Variants in CCAR2 observed in about 807,000 individuals in gnomAD.
CCAR2 encodes cell cycle and apoptosis regulator protein 2.
In CCAR2, 21 loss-of-function variants were observed where a neutral mutation model predicts 108.1. That is an observed-to-expected ratio of 0.19 (90% confidence interval 0.14 to 0.28). CCAR2 has a LOEUF of 0.28. Among genes scored for constraint, CCAR2 ranks in the 10% least tolerant of loss-of-function variants. CCAR2 has a pLI of 1.00. For missense variants in CCAR2, 1,126 were observed against 1,177.0 expected, an observed-to-expected ratio of 0.96 and a Z score of 0.63; for synonymous variants, 577 against 472.8, an observed-to-expected ratio of 1.22 and a Z score of -2.86.
intron 3 of CCAR2, 117 bp from the exon 4 acceptor site, chr8:22,606,490 G>A (rs1442996895): frequency 2.5e-6 from 2 of 800,366 alleles, no homozygotes; most frequent in Non-Finnish European, 4.3e-6. Context: ...CACTCTGTGC[G>A]AACTCTTGAT....
At chr8:22,607,377 T>C in intron 6 of CCAR2, 52 bp downstream of exon 6, 6 of 1,593,716 alleles carry the variant, frequency 3.8e-6, no homozygotes, top group Non-Finnish European at 5.1e-6. Flanking sequence ...GTAGTTTAGA[T>C]CAATGGACTT....
intron 7 of CCAR2, among the ~76,000 whole-genome samples, chr8:22,609,827 A>G (rs757503863): frequency 6.6e-6 from 1 of 152,188 alleles, no homozygotes; most frequent in African/African-American, 2.4e-5. Flanking sequence ...GCTGAGGCCC[A>G]TGCAAGGTCT....
rs769599381 is a variant in CCAR2 at position 22,613,105 on chromosome 8, C to T, written c.673C>T (p.Arg225Trp). 25 of 1,612,198 alleles carry T rather than the reference C, an allele frequency of 1.6e-5. No homozygotes were observed. Among genetic ancestry groups the T allele is most frequent in the Non-Finnish European group, 1.9e-5 (23 of 1,179,508 alleles). ...KKPRHDLPPYRVHLTPYTVDS... is the reference protein window; with the variant it reads ...KKPRHDLPPYWVHLTPYTVDS... The stretch of plus-strand genomic sequence containing the variant: ...GCCAAGGCATGACCTGCCTCCTTAC[C>T]GGGTCCACCTCACTCCTTACACTGT... The change falls in exon 8 of 21, where the codon CGG (arginine) becomes TGG (tryptophan). Residue 225 changes from arginine (R) to tryptophan (W), a missense_variant. By Grantham distance (101) the Arg-to-Trp change is moderately radical. Coordinates refer to ENST00000308511, the MANE Select transcript of CCAR2 (RefSeq NM_001393997.1).
chr8:22,617,710 G>A lies in CCAR2; in HGVS notation c.2005G>A (p.Glu669Lys). The change falls in exon 16 of 21, where the codon GAG becomes AAG. Residue 669 changes from glutamate to lysine, a missense_variant. Physicochemically the swap from Glu to Lys is moderately conservative, Grantham distance 56. Coordinates refer to ENST00000308511, the MANE Select transcript of CCAR2 (RefSeq NM_001393997.1). ...CCTTTCTGTAGCAGGAGCAAAGCTG[G>A]AGGATTCGGAGGTCCGGTCCGTTGC... ...GEEEFAGAKL[E>K]DSEVRSVASN... 1 of 1,614,208 alleles carries A rather than the reference G, an allele frequency of 6.2e-7. No homozygotes were observed. Among genetic ancestry groups the A allele is most frequent in the Non-Finnish European group, 8.5e-7 (1 of 1,180,038 alleles).
At chr8:22,615,396 A>T in intron 11 of CCAR2, 29 bp from the exon 12 acceptor site, 1 of 1,603,646 alleles carries the variant, frequency 6.2e-7, no homozygotes, top group Non-Finnish European at 8.5e-7. Context: ...GTCACTAAAG[A>T]AGTTAGTACC....
rs1801737964 is a variant in CCAR2, at chr8:22,620,433, T to TTTTTTGGC, written c.*753_*754insTTTGGCTT. The TTTTTTGGC allele has an allele frequency of 6.8e-6, 1 of 146,258 alleles. No homozygotes were observed. The highest frequency in any genetic ancestry group is 1.5e-5 in the Non-Finnish European group (1 of 67,020). The allele number at this position is 146,258 out of a possible 1,614,324, so 9.1% of individuals were successfully genotyped here. A position where few individuals can be genotyped will look rare whatever the true frequency, so the allele number is the denominator to read the frequency against. ...AAAGTTGGGGTTTTTTTTTTTTTTTTTTGGCTTGTTTTTTAAATAAACCAA... is the reference window on the plus strand; with the variant it reads ...AAAGTTGGGGTTTTTTTTTTTTTTTTTTTTTGGCTTGGCTTGTTTTTTAAATAAACCAA... On this transcript the variant is annotated 3_prime_UTR_variant, in exon 21 of 21. Transcript: ENST00000308511.
intron 10 of CCAR2, 65 bp from the exon 11 acceptor site, chr8:22,614,773 T>TCATCCTGATGGGTG: frequency 1.2e-6 from 2 of 1,602,468 alleles, no homozygotes; most frequent in Non-Finnish European, 1.7e-6. Context: ...GTGGCAGCCT[T>TCATCCTGATGGGTG]GCCCTGCAGT....
intron 14 of CCAR2, 174 bp from the exon 15 acceptor site, chr8:22,617,246 T>TGGC: frequency 1.4e-6 from 1 of 702,452 alleles, no homozygotes; most frequent in South Asian, 4.2e-5. Flanking sequence ...GGCGATGCCC[T>TGGC]GGCATGCTCT....
chr8:22,615,089 T>C, intron 11 of CCAR2, 88 bp downstream of exon 11: 1 of 1,421,718 alleles, frequency 7.0e-7, no homozygotes, highest in Non-Finnish European at 9.3e-7. Context: ...CCCTTTCTGC[T>C]GGTTAGCTCT....
At chr8:22,614,685 GTGGC>G in intron 10 of CCAR2, 149 bp from the exon 11 acceptor site, 1 of 1,091,966 alleles carries the variant, frequency 9.2e-7, no homozygotes, top group Non-Finnish European at 1.4e-6. Flanking sequence ...AGAGAGCGAG[GTGGC>G]TGGTTCATGT....
At chr8:22,606,562 C>A in intron 3 of CCAR2, 45 bp from the exon 4 acceptor site, 1 of 1,497,408 alleles carries the variant, frequency 6.7e-7, no homozygotes, top group Non-Finnish European at 9.3e-7. Context: ...GTGATTTTGT[C>A]CAGTTTCCTC....
chr8:22,620,486 T>TC (rs1801744457), downstream of CCAR2: 1 of 147,698 alleles, frequency 6.8e-6, no homozygotes, highest in Admixed American at 6.8e-5. Flanking sequence ...GAGTGTGTCC[T>TC]CCACAGCTCT....
Position 22,614,158 on chromosome 8 carries a change from G to A in CCAR2, c.771G>A (p.Leu257=), listed in dbSNP as rs199873807. ...GCCTCCTGGTCCCCTCAGATTTTCT[G>A]TCCGTGCATCTGAGTTGGCTATCAG... ...YRSLLVPSDF[L]SVHLSWLSAF... is the part of the protein sequence containing the mutation. The change falls in exon 9 of 21, where the codon CTG becomes CTA. Residue 257 remains leucine (L), a synonymous_variant. Transcript: ENST00000308511. 6.2e-7 allele frequency: 1 copy of A among 1,614,042 alleles called. No individual in the cohort carries two copies. The highest frequency in any genetic ancestry group is 1.1e-5 in the South Asian group (1 of 91,084).
At chr8:22,607,818 G>A in intron 6 of CCAR2, 151 bp from the exon 7 acceptor site, 1 of 644,100 alleles carries the variant, frequency 1.6e-6, no homozygotes, top group Admixed American at 2.6e-5. Flanking sequence ...TGGAGACGGG[G>A]TTTCACCATG....
chr8:22,615,331 A>T (rs1801457628), intron 11 of CCAR2, 94 bp from the exon 12 acceptor site: 1 of 1,433,968 alleles, frequency 7.0e-7, no homozygotes, highest in Admixed American at 2.0e-5. Flanking sequence ...GTGCTCATTG[A>T]GTGCTGACTG....
chr8:22,621,365 G>T, downstream of CCAR2: 1 of 1,567,060 alleles, frequency 6.4e-7, no homozygotes, highest in South Asian at 1.2e-5. Flanking sequence ...GCCCTGAGAA[G>T]GGCAAGGATG....
In CCAR2 at chr8:22,616,076, A is replaced by G. The variant is rs1420333951; in HGVS notation, c.1673A>G (p.Lys558Arg). 6.2e-6 allele frequency: 10 copies of G among 1,614,052 alleles called. No homozygotes were observed. The East Asian group carries it at 2.0e-4, about 32-fold the overall frequency. The change falls in exon 14 of 21, where the codon AAG (lysine) becomes AGG (arginine). Residue 558 changes from lysine (K) to arginine (R), a missense_variant. Transcript: ENST00000308511. Reference protein sequence around the residue: ...LQRDFGYRVYKMLLSLPEKVV... With the variant: ...LQRDFGYRVYRMLLSLPEKVV... ...AGGGATTTTGGCTATAGAGTTTATA[A>G]GATGCTACTGAGCCTTCCTGAAAAG...
chr8:22,616,197 C>G lies in CCAR2; in HGVS notation c.1794C>G (p.Pro598=), dbSNP rs1254971521. 6.2e-7 allele frequency: 1 copy of G among 1,613,700 alleles called. No individual in the cohort carries two copies. Among genetic ancestry groups the G allele is most frequent in the South Asian group, 1.1e-5 (1 of 91,066 alleles). The stretch of plus-strand genomic sequence containing the variant: ...TCAAAGAGGAGGTGGTCAAGGAGCC[C>G]AAGGATGAGGCACAGAATGAGGGCC... The part of the protein sequence containing the change: ...EAIKEEVVKE[P]KDEAQNEGPA... Residue 598 remains proline (P), a synonymous_variant, in exon 14 of 21, where the codon CCC becomes CCG. Transcript: ENST00000308511.
rs1801585918 is a variant in CCAR2, at chr8:22,617,797, C to G, written c.2073+19C>G. 1.2e-6 allele frequency: 2 copies of G among 1,611,852 alleles called. No homozygotes were observed. The highest frequency in any genetic ancestry group is 1.7e-6 in the Non-Finnish European group (2 of 1,179,228). On this transcript the variant is annotated intron_variant, in intron 16 of 20. Transcript: ENST00000308511. ...GGACATGGTGAGGCCTCTTCTCGAC[C>G]ACTCTGGGTCTCAGTGGTGGTGAGG...
Sources: gnomAD v4.1 joint callset for allele counts (sites outside exome capture counted in the v4.1 genomes callset) on GRCh38, gnomAD v4.1.1 for gene constraint, MANE v1.5 for transcripts, NCBI Gene and HGNC (gene_info 2026-07-23, HGNC 2026-07-21) for gene names.